Variants in RASEF observed in about 807,000 individuals in gnomAD.
The protein encoded by RASEF is ras and EF-hand domain-containing protein.
RASEF carries 68 observed loss-of-function variants against 90.1 expected under a neutral mutation model. The observed-to-expected ratio is 0.75, with a 90% CI of 0.62 to 0.92. RASEF has a LOEUF of 0.92. Ranked by LOEUF, RASEF falls within the 40% of genes least tolerant of loss-of-function variation. The probability of loss-of-function intolerance (pLI) is 0.00; values close to 1 mark genes in which losing one functional copy is unlikely to be tolerated. For missense variants in RASEF, 949 were observed against 937.2 expected, an observed-to-expected ratio of 1.01 and a Z score of -0.16; for synonymous variants, 331 against 345.2, an observed-to-expected ratio of 0.96 and a Z score of 0.46.
At chr9:83,184,339 G>A in the RASEF span, among the ~76,000 whole-genome samples, 1 of 152,120 alleles carries the variant, frequency 6.6e-6, no homozygotes, top group Admixed American at 6.5e-5. Context: ...AATGTTGTCA[G>A]GGAATAACGG....
the RASEF span, among the ~76,000 whole-genome samples, chr9:83,143,965 G>A: frequency 8.7e-4 from 132 of 152,190 alleles, no homozygotes; most frequent in African/African-American, 2.4e-3. Context: ...GGAATAGTAC[G>A]CAACCATAAA....
At chr9:83,109,825 C>T in the RASEF span, among the ~76,000 whole-genome samples, 1 of 152,110 alleles carries the variant, frequency 6.6e-6, no homozygotes, top group African/African-American at 2.4e-5. Flanking sequence ...TATAAATTCC[C>T]CCCTCAATAA....
At chr9:83,083,915 C>A in the RASEF span, among the ~76,000 whole-genome samples, 3 of 152,172 alleles carry the variant, frequency 2.0e-5, no homozygotes, top group East Asian at 5.8e-4. Context: ...ATCAAAGATG[C>A]AAATACCTGT....
At chr9:83,130,692 T>C in the RASEF span, among the ~76,000 whole-genome samples, 1 of 152,162 alleles carries the variant, frequency 6.6e-6, no homozygotes, top group Non-Finnish European at 1.5e-5. Context: ...GCAGTCAGCA[T>C]ACAAGGAAAC....
chr9:83,099,508 T>C, the RASEF span, among the ~76,000 whole-genome samples: 2 of 152,232 alleles, frequency 1.3e-5, no homozygotes, highest in Non-Finnish European at 2.9e-5. Flanking sequence ...GTCAAACTTA[T>C]ATAGCAGGTA....
At chr9:83,081,207 T>C in the RASEF span, among the ~76,000 whole-genome samples, 1 of 152,170 alleles carries the variant, frequency 6.6e-6, no homozygotes, top group Non-Finnish European at 1.5e-5. Flanking sequence ...CCAGGGACTC[T>C]GCCTCCAAAG....
At chr9:83,157,386 A>C in the RASEF span, among the ~76,000 whole-genome samples, 1 of 152,158 alleles carries the variant, frequency 6.6e-6, no homozygotes, top group Admixed American at 6.5e-5. Flanking sequence ...TGCCACTATC[A>C]CAGGAGTTGG....
the RASEF span, among the ~76,000 whole-genome samples, chr9:83,093,337 C>T: frequency 2.6e-5 from 4 of 152,270 alleles, no homozygotes; most frequent in South Asian, 2.1e-4. Context: ...CTGGGCCCCG[C>T]GGAGCAGGGG....
chr9:83,023,666 T>C (rs944357782), intron 2 of RASEF, among the ~76,000 whole-genome samples: 1 of 152,258 alleles, frequency 6.6e-6, no homozygotes, highest in Non-Finnish European at 1.5e-5. Context: ...GGGAAGTCAG[T>C]TCATTTCTGC....
the RASEF span, among the ~76,000 whole-genome samples, chr9:83,120,453 C>A: frequency 6.6e-6 from 1 of 152,098 alleles, no homozygotes; most frequent in Non-Finnish European, 1.5e-5. Context: ...TTGCCTAGCC[C>A]TAGAATTTGC....
rs1428747759 is a variant in RASEF, at chr9:83,006,474, C to T, written c.1028+963G>A. 2.0e-5 allele frequency among the ~76,000 whole-genome samples: 3 copies of T among 151,678 alleles called. No individual in the cohort carries two copies. The East Asian group carries it at 5.8e-4, about 29-fold the overall frequency. Reference sequence around the variant, plus strand: ...TGAAATACATGAACTCTACAACTGCCACAGGTGAGACTTAATAAGCATTCA... The same window carrying T: ...TGAAATACATGAACTCTACAACTGCTACAGGTGAGACTTAATAAGCATTCA... On this transcript the variant is annotated intron_variant, in intron 7 of 16. Coordinates refer to ENST00000376447, the MANE Select transcript of RASEF (RefSeq NM_152573.4).
chr9:83,106,481 C>T, the RASEF span, among the ~76,000 whole-genome samples: 1 of 152,164 alleles, frequency 6.6e-6, no homozygotes, highest in Non-Finnish European at 1.5e-5. Flanking sequence ...TCCTGGGAGA[C>T]TTCAGCACAT....
At chr9:83,106,493 C>G in the RASEF span, among the ~76,000 whole-genome samples, 1 of 152,150 alleles carries the variant, frequency 6.6e-6, no homozygotes, top group Admixed American at 6.5e-5. Context: ...TCAGCACATG[C>G]TCATACCCTT....
At chr9:83,186,087 A>T in the RASEF span, among the ~76,000 whole-genome samples, 4 of 152,220 alleles carry the variant, frequency 2.6e-5, no homozygotes, top group South Asian at 4.1e-4. Context: ...AACCATTTGC[A>T]TAAGAAAGAT....
Position 83,057,846 on chromosome 9 carries a change from CATATATATAT to C in RASEF, c.431+4581_431+4590del, listed in dbSNP as rs66535022. Reference sequence around the variant, plus strand: ...TCATATATACATATATTCATATATACATATATATATATATATATATATATATTCGTCTTTA... The same window carrying C: ...TCATATATACATATATTCATATATACATATATATATATATATTCGTCTTTA... On this transcript the variant is annotated intron_variant, in intron 1 of 16. Coordinates refer to ENST00000376447, the MANE Select transcript of RASEF (RefSeq NM_152573.4). 9.8e-3 allele frequency among the ~76,000 whole-genome samples: 1,410 copies of C among 143,392 alleles called. 31 individuals carry two copies. The highest frequency in any genetic ancestry group is 0.034 in the African/African-American group (1,341 of 39,546). 94.1% of individuals were successfully genotyped at this position (143,392 alleles called of 152,430 possible).
At chr9:83,114,655 G>A in the RASEF span, among the ~76,000 whole-genome samples, 1 of 152,138 alleles carries the variant, frequency 6.6e-6, no homozygotes, top group Non-Finnish European at 1.5e-5. Context: ...TTTGGGGGTG[G>A]CTGTCTTTTA....
At chr9:83,131,883 A>T in the RASEF span, among the ~76,000 whole-genome samples, 1 of 152,148 alleles carries the variant, frequency 6.6e-6, no homozygotes, top group Non-Finnish European at 1.5e-5. Context: ...ATCTTTTTTG[A>T]TCAGTTCATC....
the RASEF span, among the ~76,000 whole-genome samples, chr9:83,194,907 G>A: frequency 6.6e-6 from 1 of 152,174 alleles, no homozygotes; most frequent in South Asian, 2.1e-4. Context: ...ACTACAGAAG[G>A]TTATAGGTCA....
the RASEF span, among the ~76,000 whole-genome samples, chr9:83,100,543 C>A: frequency 3.9e-5 from 6 of 152,238 alleles, no homozygotes; most frequent in East Asian, 1.2e-3. Flanking sequence ...AAAATCAGCC[C>A]ATCTCATTGT....
Sources: gnomAD v4.1 joint callset for allele counts (sites outside exome capture counted in the v4.1 genomes callset) on GRCh38, gnomAD v4.1.1 for gene constraint, MANE v1.5 for transcripts, NCBI Gene and HGNC (gene_info 2026-07-23, HGNC 2026-07-21) for gene names.